Variants in PPP6C observed in about 807,000 individuals in gnomAD.
PPP6C encodes the protein protein phosphatase 6 catalytic subunit.
A neutral mutation model predicts 39.8 loss-of-function variants in PPP6C; 11 were observed. The ratio of observed to expected loss-of-function variants is 0.28; its 90% CI spans 0.17 to 0.46. The LOEUF (loss-of-function observed/expected upper bound fraction) is 0.46. Ranked by LOEUF, PPP6C falls within the 20% of genes least tolerant of loss-of-function variation. The pLI, the probability that PPP6C is intolerant of heterozygous loss-of-function variation, is 1.00. For synonymous variants in PPP6C, 129 were observed against 130.3 expected, an observed-to-expected ratio of 0.99 and a Z score of 0.07; for missense variants, 211 against 373.9, an observed-to-expected ratio of 0.56 and a Z score of 3.59.
intron 1 of PPP6C, among the ~76,000 whole-genome samples, chr9:125,183,787 T>G (rs1396502352): frequency 6.6e-6 from 1 of 152,204 alleles, no homozygotes; most frequent in Non-Finnish European, 1.5e-5. Flanking sequence ...CATCTCTGAC[T>G]CTAAAGTTAC....
intron 1 of PPP6C, among the ~76,000 whole-genome samples, chr9:125,183,356 T>C (rs960441480): frequency 6.6e-6 from 1 of 152,248 alleles, no homozygotes; most frequent in Non-Finnish European, 1.5e-5. Context: ...CCTCCATTTA[T>C]GGCAGTGTTT....
chr9:125,170,772 T>C (rs2131326944), intron 2 of PPP6C, among the ~76,000 whole-genome samples: 1 of 152,324 alleles, frequency 6.6e-6, no homozygotes, highest in Non-Finnish European at 1.5e-5. Context: ...TTAATCATAG[T>C]TATTATGAGC....
intron 4 of PPP6C, among the ~76,000 whole-genome samples, chr9:125,156,919 T>A (rs775296945): frequency 2.0e-4 from 30 of 152,116 alleles, no homozygotes; most frequent in Non-Finnish European, 3.4e-4. Context: ...TTCAATCAAT[T>A]CTCCCTGCCT....
chr9:125,168,907 C>T (rs866064322), intron 2 of PPP6C, among the ~76,000 whole-genome samples: 5 of 151,888 alleles, frequency 3.3e-5, no homozygotes, highest in East Asian at 3.9e-4. Flanking sequence ...ATTACAGGCA[C>T]GCACCACCAC....
At chr9:125,150,580 G>A (rs939797870) in intron 6 of PPP6C, 16 of 705,194 alleles carry the variant, frequency 2.3e-5, no homozygotes, top group African/African-American at 1.8e-4. Flanking sequence ...TCTCTGGGCC[G>A]ACTTTGGTTG....
rs1171157245 is a variant in PPP6C at position 125,171,478 on chromosome 9, C to CACATATAT, written c.76-299_76-298insATATATGT. ...ACACATATACACACACACACACACA[C>CACATATAT]ATATATATATATATATATATATATA... On this transcript the variant is annotated intron_variant, in intron 1 of 6. Transcript: ENST00000373547. Among the ~76,000 whole-genome samples, 277 of 83,356 alleles carry CACATATAT rather than the reference C, an allele frequency of 3.3e-3. 1 individual carries two copies. Among genetic ancestry groups the CACATATAT allele is most frequent in the African/African-American group, 5.8e-3 (105 of 18,210 alleles). 54.7% of individuals were successfully genotyped at this position (83,356 alleles called of 152,430 possible).
At chr9:125,151,325 C>T (rs1835936231) in intron 6 of PPP6C, 1 of 1,450,520 alleles carries the variant, frequency 6.9e-7, no homozygotes, top group Admixed American at 1.7e-5. Flanking sequence ...CACAATCTGC[C>T]ATGCAGCTGA....
intron 1 of PPP6C, 145 bp from the exon 2 acceptor site, chr9:125,171,325 G>A: frequency 1.7e-6 from 1 of 596,332 alleles, no homozygotes; most frequent in Non-Finnish European, 2.8e-6. Context: ...TAATTCGGGG[G>A]TTGGATTTCT....
intron 4 of PPP6C, among the ~76,000 whole-genome samples, chr9:125,157,568 C>T (rs1588275913): frequency 6.6e-6 from 1 of 152,014 alleles, no homozygotes; most frequent in African/African-American, 2.4e-5. Flanking sequence ...CACACACATA[C>T]AAAATGGATG....
chr9:125,172,839 T>C (rs1177150316), intron 1 of PPP6C, among the ~76,000 whole-genome samples: 2 of 152,026 alleles, frequency 1.3e-5, no homozygotes, highest in African/African-American at 4.8e-5. Flanking sequence ...CTAAAGATCA[T>C]GAGTTGTATC....
intron 1 of PPP6C, among the ~76,000 whole-genome samples, chr9:125,178,675 T>C (rs1829357736): frequency 1.3e-5 from 2 of 152,010 alleles, no homozygotes; most frequent in Admixed American, 1.3e-4. Context: ...ATGCAGCAAA[T>C]CCCCATTTGA....
chr9:125,188,888 T>TA (rs1482398380), intron 1 of PPP6C: 15 of 1,536,710 alleles, frequency 9.8e-6, no homozygotes, highest in Non-Finnish European at 1.3e-5. Flanking sequence ...CATTTACTCT[T>TA]ACTTGGACTC....
At chr9:125,169,562 T>C (rs930214955) in intron 2 of PPP6C, among the ~76,000 whole-genome samples, 3 of 152,082 alleles carry the variant, frequency 2.0e-5, no homozygotes, top group African/African-American at 7.2e-5. Flanking sequence ...ATATCCTTTA[T>C]GTTAGCAAAA....
intron 4 of PPP6C, among the ~76,000 whole-genome samples, chr9:125,155,106 A>C (rs1188838726): frequency 6.6e-6 from 1 of 151,994 alleles, no homozygotes; most frequent in Non-Finnish European, 1.5e-5. Context: ...GGATCTCCCT[A>C]TGTTGTCCAG....
intron 1 of PPP6C, chr9:125,189,023 C>A: frequency 9.0e-7 from 1 of 1,107,264 alleles, no homozygotes; most frequent in South Asian, 1.4e-5. Context: ...TCAGTAAGCT[C>A]AACAACATAC....
chr9:125,158,463 A>C, intron 3 of PPP6C, 81 bp from the exon 4 acceptor site: 1 of 1,364,412 alleles, frequency 7.3e-7, no homozygotes, highest in Non-Finnish European at 1.0e-6. Flanking sequence ...GTACAAACAT[A>C]TAGTTTATAA....
chr9:125,171,562 T>C (rs1476002995), intron 1 of PPP6C, among the ~76,000 whole-genome samples: 2 of 147,464 alleles, frequency 1.4e-5, no homozygotes, highest in African/African-American at 4.9e-5. Context: ...TTTTTTGTTT[T>C]TTTTTTTTTT....
chr9:125,166,354 C>T (rs975505817), intron 2 of PPP6C, among the ~76,000 whole-genome samples: 1 of 152,112 alleles, frequency 6.6e-6, no homozygotes, highest in Admixed American at 6.6e-5. Flanking sequence ...GCAACAAATA[C>T]TGTCAATTGT....
chr9:125,175,940 A>G (rs555983262), intron 1 of PPP6C, among the ~76,000 whole-genome samples: 76 of 152,320 alleles, frequency 5.0e-4, no homozygotes, highest in African/African-American at 1.7e-3. Flanking sequence ...AGTAAAATAT[A>G]TAACAGTAAT....
Sources: gnomAD v4.1 joint callset for allele counts (sites outside exome capture counted in the v4.1 genomes callset) on GRCh38, gnomAD v4.1.1 for gene constraint, MANE v1.5 for transcripts, NCBI Gene and HGNC (gene_info 2026-07-23, HGNC 2026-07-21) for gene names.